The following SNF8 variants were observed in gnomAD, a reference collection of about 807,000 sequenced individuals.
SNF8 encodes vacuolar-sorting protein SNF8.
Under a neutral mutation model 36.8 loss-of-function variants are expected in SNF8, and 19 were observed. The ratio of observed to expected loss-of-function variants is 0.52; its 90% CI spans 0.36 to 0.76. The LOEUF is 0.76. SNF8 is among the 30% of genes least tolerant of loss of function. The pLI, the probability that SNF8 is intolerant of heterozygous loss-of-function variation, is 0.00. For synonymous variants in SNF8, 127 were observed against 127.4 expected, an observed-to-expected ratio of 1.00 and a Z score of 0.02; for missense variants, 268 against 322.9, an observed-to-expected ratio of 0.83 and a Z score of 1.30.
rs181731835 is a variant in SNF8 at position 48,941,509 on chromosome 17, C to G, written c.106-447G>C. ...GTTCACCCATTAGAAAATCTTTACC[C>G]CCCCCAGCCGACAGAAAGGCTGGAT... On this transcript the variant is annotated intron_variant, in intron 2 of 7. Coordinates refer to ENST00000502492, the MANE Select transcript of SNF8 (RefSeq NM_007241.4). Among the ~76,000 whole-genome samples the G allele has an allele frequency of 4.5e-4, 69 of 152,050 alleles. 3 individuals carry two copies. In the East Asian group the frequency reaches 0.011, roughly 25 times the overall value.
chr17:48,941,521 CAGAA>C (rs1355810004), intron 2 of SNF8, among the ~76,000 whole-genome samples: 1 of 152,010 alleles, frequency 6.6e-6, no homozygotes, highest in African/African-American at 2.4e-5. Context: ...CCCCAGCCGA[CAGAA>C]AGGCTGGATG....
In SNF8 at chr17:48,944,759, C is replaced by T. The variant is rs755076441; in HGVS notation, c.-25G>A. 1.9e-6 allele frequency: 3 copies of T among 1,589,132 alleles called. No homozygotes were observed. Among genetic ancestry groups the T allele is most frequent in the South Asian group, 1.1e-5 (1 of 89,278 alleles). On this transcript the variant is annotated 5_prime_UTR_variant, in exon 1 of 8. Transcript: ENST00000502492. ...TCCCCACCCTGGGCCCGCGGGCCGCCCGGCTGCCGGGACCCCGGGTCTCCA... is the reference window on the plus strand; with the variant it reads ...TCCCCACCCTGGGCCCGCGGGCCGCTCGGCTGCCGGGACCCCGGGTCTCCA...
intron 7 of SNF8, among the ~76,000 whole-genome samples, 196 bp from the exon 8 acceptor site, chr17:48,930,808 G>A (rs1221535942): frequency 2.0e-5 from 3 of 152,194 alleles, no homozygotes; most frequent in Non-Finnish European, 4.4e-5. Flanking sequence ...AAAATGCTAC[G>A]AAGTCATTTA....
rs770453478 is a variant in SNF8, at chr17:48,930,452, G to A, written c.*23C>T. On this transcript the variant is annotated 3_prime_UTR_variant, in exon 8 of 8. Transcript: ENST00000502492. Reference sequence around the variant, plus strand: ...CACCTCCGCCTCCTCCCTGCCTGCTGCTGTGTGCCCTTCCACATGCAGTCA... The same window carrying A: ...CACCTCCGCCTCCTCCCTGCCTGCTACTGTGTGCCCTTCCACATGCAGTCA... 14 of 1,561,490 alleles carry A rather than the reference G, an allele frequency of 9.0e-6. No homozygotes were observed. Among genetic ancestry groups the A allele is most frequent in the Non-Finnish European group, 1.2e-5 (14 of 1,148,134 alleles).
At chr17:48,940,047 C>G (rs913431431) in intron 3 of SNF8, among the ~76,000 whole-genome samples, 1 of 128,898 alleles carries the variant, frequency 7.8e-6, no homozygotes, top group Admixed American at 1.0e-4. Flanking sequence ...TGCACTCCAG[C>G]GTAGGTGACA....
At chr17:48,941,154 G>A (rs1316608362) in intron 2 of SNF8, 92 bp from the exon 3 acceptor site, 3 of 1,452,670 alleles carry the variant, frequency 2.1e-6, no homozygotes, top group South Asian at 2.4e-5. Context: ...CAGGGCAAAG[G>A]CTGAAATAAC....
At chr17:48,931,801 T>C in intron 6 of SNF8, 84 bp from the exon 7 acceptor site, 1 of 1,008,628 alleles carries the variant, frequency 9.9e-7, no homozygotes, top group Non-Finnish European at 1.5e-6. Context: ...ACAAGAGACT[T>C]ACCCAGACAG....
Position 48,937,128 on chromosome 17 carries a change from C to T in SNF8, c.245-4G>A. 1 of 1,609,842 alleles carries T rather than the reference C, an allele frequency of 6.2e-7. No individual in the cohort carries two copies. The highest frequency in any genetic ancestry group is 1.1e-5 in the South Asian group (1 of 91,000). ...TCAGACCAAAATCCTTTTCCAGCTA[C>T]AAGACAGAAAAACAAAATCTCGGTT... On this transcript the variant is annotated splice_polypyrimidine_tract_variant and splice_region_variant and intron_variant, in intron 3 of 7. Transcript: ENST00000502492.
intron 3 of SNF8, among the ~76,000 whole-genome samples, chr17:48,938,473 G>A (rs573489606): frequency 2.1e-3 from 251 of 120,652 alleles, no homozygotes; most frequent in Admixed American, 6.7e-3. Flanking sequence ...TCCAGCCTGG[G>A]AATCAAGAGC....
intron 5 of SNF8, among the ~76,000 whole-genome samples, chr17:48,935,180 G>A (rs1280694841): frequency 1.3e-5 from 2 of 151,980 alleles, no homozygotes; most frequent in East Asian, 3.9e-4. Flanking sequence ...AAACCAGCCT[G>A]GCCAACAACG....
rs2040831133 is a variant in SNF8 at position 48,929,834 on chromosome 17, AC to A, written c.*640del. 1 of 152,148 alleles carries A rather than the reference AC, an allele frequency of 6.6e-6. No homozygotes were observed. Among genetic ancestry groups the A allele is most frequent in the African/African-American group, 2.4e-5 (1 of 41,442 alleles). 9.4% of individuals were successfully genotyped at this position (152,148 alleles called of 1,614,324 possible). On this transcript the variant is annotated 3_prime_UTR_variant, in exon 8 of 8. Coordinates refer to ENST00000502492, the MANE Select transcript of SNF8 (RefSeq NM_007241.4). ...TCAGTAAATGACTCCCTTTCCCACT[AC>A]TGAGGCTAGAGGGACCTGGCAATCA... is the stretch of plus-strand genomic sequence containing the variant.
rs766032467 is a variant in SNF8, at chr17:48,943,979, T to G, written c.55-4A>C. 1.9e-6 allele frequency: 3 copies of G among 1,613,660 alleles called. No individual in the cohort carries two copies. The East Asian group carries it at 6.7e-5, about 36-fold the overall frequency. On this transcript the variant is annotated splice_region_variant and splice_polypyrimidine_tract_variant and intron_variant, in intron 1 of 7. Transcript: ENST00000502492. Reference sequence around the variant, plus strand: ...TCCCTCGCTCCTTATACTTGGCCTGTCAGACAAAGAGACCAGCATAAGTTA... The same window carrying G: ...TCCCTCGCTCCTTATACTTGGCCTGGCAGACAAAGAGACCAGCATAAGTTA...
intron 1 of SNF8, among the ~76,000 whole-genome samples, 199 bp downstream of exon 1, chr17:48,944,482 C>T (rs183129863): frequency 1.1e-3 from 171 of 152,306 alleles, no homozygotes; most frequent in African/African-American, 4.0e-3. Context: ...TGTAGTTAAA[C>T]TTGGGTAAAT....
intron 3 of SNF8, 53 bp downstream of exon 3, chr17:48,940,871 C>T: frequency 6.3e-7 from 1 of 1,586,814 alleles, no homozygotes; most frequent in Non-Finnish European, 8.6e-7. Flanking sequence ...ATGTGAGCTT[C>T]TGTTCCTCAG....
At chr17:48,933,571 A>G (rs1264746444) in intron 5 of SNF8, 1 of 510,826 alleles carries the variant, frequency 2.0e-6, no homozygotes, top group Non-Finnish European at 3.5e-6. Context: ...GCAAGACCTT[A>G]TCTTTACTAA....
chr17:48,933,699 G>A (rs1233901161), intron 5 of SNF8: 3 of 214,772 alleles, frequency 1.4e-5, no homozygotes, highest in Non-Finnish European at 1.9e-5. Flanking sequence ...GTGCACCACT[G>A]TACTCCAGCC....
chr17:48,933,034 A>G, intron 6 of SNF8, 171 bp downstream of exon 6: 1 of 644,880 alleles, frequency 1.6e-6, no homozygotes, highest in African/African-American at 1.8e-5. Context: ...AGTGCTTTGC[A>G]CTGTAGCTGC....
intron 2 of SNF8, among the ~76,000 whole-genome samples, chr17:48,942,805 C>T (rs554825876): frequency 3.0e-4 from 45 of 151,902 alleles, no homozygotes; most frequent in African/African-American, 1.1e-3. Flanking sequence ...ACCTCGGCCT[C>T]CCAAAGTGCT....
chr17:48,932,975 C>T (rs2040881392), intron 6 of SNF8: 1 of 442,642 alleles, frequency 2.3e-6, no homozygotes, highest in Admixed American at 3.7e-5. Flanking sequence ...ACTGTAAGCT[C>T]CTTGAGAGCA....
Sources: allele counts gnomAD v4.1 joint callset (sites outside exome capture counted in the v4.1 genomes callset), GRCh38; gene constraint gnomAD v4.1.1; transcripts MANE v1.5; gene names NCBI Gene and HGNC (gene_info 2026-07-23, HGNC 2026-07-21).